Variants in MAST4 observed in about 807,000 individuals in gnomAD.
MAST4 encodes microtubule-associated serine/threonine-protein kinase 4.
MAST4 carries 89 observed loss-of-function variants against 162.7 expected under a neutral mutation model. That is an observed-to-expected ratio of 0.55 (90% CI 0.46 to 0.65). The LOEUF (loss-of-function observed/expected upper bound fraction) is 0.65. Among genes scored for constraint, MAST4 ranks in the 30% least tolerant of loss-of-function variants. The pLI is 0.00. For synonymous variants in MAST4, 1,479 were observed against 1,361.1 expected (o/e 1.09, Z -1.91); for missense variants, 3,153 against 3,374.0 (o/e 0.93, Z 1.62).
chr5:66,904,791 C>A (rs13170066), intron 4 of MAST4, among the ~76,000 whole-genome samples: 2,045 of 152,120 alleles, frequency 0.013, 36 homozygotes, highest in South Asian at 0.053. Context: ...CTTTTAGGTT[C>A]AGGAAGTACG....
chr5:67,165,129 G>T lies in MAST4; in HGVS notation c.5950G>T (p.Glu1984Ter). 1 of 1,589,384 alleles carries T rather than the reference G, an allele frequency of 6.3e-7. No homozygotes were observed. The highest frequency in any genetic ancestry group is 2.3e-5 in the East Asian group (1 of 43,526). ...AAGAGGCCCTCCCACAGCCAGAAGCGAGCGCTCTGCTGCGAGGGCTGACAC... is the reference window on the plus strand; with the variant it reads ...AAGAGGCCCTCCCACAGCCAGAAGCTAGCGCTCTGCTGCGAGGGCTGACAC... The part of the protein sequence containing the change: ...SERGPPTARS[E>*]RSAARADTCR... Residue 1984 changes from glutamate to a stop codon, truncating the protein, a stop_gained, in exon 29 of 29, where the codon GAG (glutamate) becomes TAG (stop). Transcript: ENST00000403625. LOFTEE classifies it low-confidence loss of function (END_TRUNC).
intron 5 of MAST4, among the ~76,000 whole-genome samples, chr5:67,067,507 T>A (rs1338077961): frequency 1.3e-5 from 2 of 152,224 alleles, no homozygotes; most frequent in Non-Finnish European, 2.9e-5. Flanking sequence ...CTAGAAATGA[T>A]ACGACATCAT....
At chr5:67,040,425 T>C (rs1334137055) in intron 4 of MAST4, among the ~76,000 whole-genome samples, 1 of 152,138 alleles carries the variant, frequency 6.6e-6, no homozygotes, top group Non-Finnish European at 1.5e-5. Flanking sequence ...TCTTTGAGAA[T>C]ACACTGTGGA....
chr5:66,648,034 ATGTGTGTGTGTGTGTGTGTGTG>A (rs745965169), intron 1 of MAST4, among the ~76,000 whole-genome samples: 5 of 118,986 alleles, frequency 4.2e-5, no homozygotes, highest in South Asian at 3.1e-4. Flanking sequence ...GTGTTAGGTA[ATGTGTGTGTGTGTGTGTGTGTG>A]TGTGTGTGTG....
At chr5:67,133,859 A>G (rs2151003169) in intron 17 of MAST4, among the ~76,000 whole-genome samples, 1 of 152,268 alleles carries the variant, frequency 6.6e-6, no homozygotes. Flanking sequence ...CCCCAACATT[A>G]TGGTCTATTA....
intron 3 of MAST4, among the ~76,000 whole-genome samples, chr5:66,867,890 A>G (rs1262869003): frequency 6.6e-6 from 1 of 152,242 alleles, no homozygotes; most frequent in East Asian, 1.9e-4. Flanking sequence ...CAGGAGACTG[A>G]TATCTCAGTC....
intron 12 of MAST4, 41 bp downstream of exon 12, chr5:67,114,260 C>T: frequency 1.3e-6 from 2 of 1,584,214 alleles, no homozygotes; most frequent in Middle Eastern, 1.7e-4. Context: ...TTTGCTTATG[C>T]ACTGTCGCCT....
intron 4 of MAST4, among the ~76,000 whole-genome samples, chr5:66,916,659 G>A (rs1764139275): frequency 6.6e-6 from 1 of 152,070 alleles, no homozygotes; most frequent in Non-Finnish European, 1.5e-5. Context: ...ATGCATACAG[G>A]TGTAGGTACA....
In MAST4 at chr5:67,018,440, G is replaced by A. The variant is rs181141298; in HGVS notation, c.675-35964G>A. 1.7e-3 allele frequency among the ~76,000 whole-genome samples: 260 copies of A among 152,148 alleles called. 2 individuals are homozygous for A. Among genetic ancestry groups the A allele is most frequent in the East Asian group, 0.013 (65 of 5,174 alleles). ...TGAGGCAGGAGGATTGCTTGAGCCCGAGAGGTCGCAGCTGCAGTGAGCAAT... is the reference window on the plus strand; with the variant it reads ...TGAGGCAGGAGGATTGCTTGAGCCCAAGAGGTCGCAGCTGCAGTGAGCAAT... On this transcript the variant is annotated intron_variant, in intron 4 of 28. Transcript: ENST00000403625.
At chr5:67,059,753 A>G (rs1348326520) in intron 5 of MAST4, among the ~76,000 whole-genome samples, 2 of 150,980 alleles carry the variant, frequency 1.3e-5, no homozygotes, top group Admixed American at 1.3e-4. Context: ...CTGTTGGGCA[A>G]TTTTAGGAGT....
intron 1 of MAST4, among the ~76,000 whole-genome samples, chr5:66,607,186 C>A (rs1245514635): frequency 6.6e-6 from 1 of 152,126 alleles, no homozygotes; most frequent in Non-Finnish European, 1.5e-5. Flanking sequence ...TGGCACAGAA[C>A]CTTGCATGAT....
At chr5:67,134,015 C>G (rs1170047025) in intron 17 of MAST4, among the ~76,000 whole-genome samples, 2 of 152,132 alleles carry the variant, frequency 1.3e-5, no homozygotes, top group Admixed American at 6.6e-5. Context: ...ATCCAAGCCA[C>G]GGCCCATTTC....
chr5:67,081,300 C>T (rs1242913313), intron 5 of MAST4, among the ~76,000 whole-genome samples: 1 of 150,650 alleles, frequency 6.6e-6, no homozygotes, highest in African/African-American at 2.4e-5. Context: ...TACCTGTGGG[C>T]ATTTGGGACT....
intron 21 of MAST4, among the ~76,000 whole-genome samples, chr5:67,143,378 G>A (rs902128622): frequency 1.1e-4 from 16 of 151,772 alleles, no homozygotes; most frequent in Admixed American, 9.8e-4. Context: ...ATTGATGCTT[G>A]AGAAAGATGC....
chr5:66,900,061 G>GAATTCTC, intron 4 of MAST4, 79 bp downstream of exon 4: 1 of 972,440 alleles, frequency 1.0e-6, no homozygotes, highest in Non-Finnish European at 1.4e-6. Context: ...TGATTCATTA[G>GAATTCTC]TGGCAATTAT....
chr5:66,935,024 C>A (rs148704911), intron 4 of MAST4, among the ~76,000 whole-genome samples: 1 of 152,172 alleles, frequency 6.6e-6, no homozygotes, highest in African/African-American at 2.4e-5. Context: ...CACTTAGTAG[C>A]TGTATGACTT....
At chr5:67,018,622 G>C (rs971381832) in intron 4 of MAST4, among the ~76,000 whole-genome samples, 12 of 152,166 alleles carry the variant, frequency 7.9e-5, no homozygotes, top group Non-Finnish European at 1.6e-4. Flanking sequence ...GGTGTTTATT[G>C]GGGAAGGAAA....
At chr5:67,094,353 C>T (rs1360195027) in intron 6 of MAST4, among the ~76,000 whole-genome samples, 1 of 152,118 alleles carries the variant, frequency 6.6e-6, no homozygotes, top group Admixed American at 6.6e-5. Context: ...CTAACTGTGA[C>T]GTTTCTCAAA....
intron 4 of MAST4, among the ~76,000 whole-genome samples, chr5:66,943,277 A>G (rs1001530745): frequency 6.6e-6 from 1 of 152,150 alleles, no homozygotes; most frequent in Non-Finnish European, 1.5e-5. Context: ...ATTAAATGTG[A>G]TAATGCACAT....
Sources: allele counts gnomAD v4.1 joint callset (sites outside exome capture counted in the v4.1 genomes callset), GRCh38; gene constraint gnomAD v4.1.1; transcripts MANE v1.5; gene names NCBI Gene and HGNC (gene_info 2026-07-23, HGNC 2026-07-21).